Variants in CDH13 observed in about 807,000 individuals in gnomAD.
The protein encoded by CDH13 is cadherin 13.
In CDH13, 24 loss-of-function variants were observed where a neutral mutation model predicts 63.8. The ratio of observed to expected loss-of-function variants is 0.38; its 90% CI spans 0.27 to 0.53. The LOEUF is 0.53. Ranked by LOEUF, CDH13 falls within the 20% of genes least tolerant of loss-of-function variation. The probability of loss-of-function intolerance (pLI) is 0.85; values close to 1 mark genes in which losing one functional copy is unlikely to be tolerated. For missense variants in CDH13, 1,049 were observed against 903.1 expected (o/e 1.16, Z -2.07); for synonymous variants, 503 against 355.3 (o/e 1.42, Z -4.67).
At chr16:83,270,942 T>C (rs755470794) in intron 5 of CDH13, among the ~76,000 whole-genome samples, 1 of 139,150 alleles carries the variant, frequency 7.2e-6, no homozygotes, top group Non-Finnish European at 1.6e-5. Context: ...CTCTTTCCCT[T>C]CCTCCCTCCC....
At chr16:82,787,841 A>AGTGTGCGTGTGTGTGTGTGTGT (rs1555516773) in intron 1 of CDH13, among the ~76,000 whole-genome samples, 30 of 146,648 alleles carry the variant, frequency 2.0e-4, no homozygotes, top group Non-Finnish European at 3.0e-4. Context: ...GAAGGGAGGA[A>AGTGTGCGTGTGTGTGTGTGTGT]GTGTGTGTGT....
rs1234451658 is a variant in CDH13 at position 83,036,931 on chromosome 16, AT to A, written c.366+4714del. ...CAGAGGAAGCTGGAACAGAAAGGGA[AT>A]GCTAAATAAAAGCATGGGAACATGT... On this transcript the variant is annotated intron_variant, in intron 3 of 13. Coordinates refer to ENST00000567109, the MANE Select transcript of CDH13 (RefSeq NM_001257.5). 2.8e-4 allele frequency among the ~76,000 whole-genome samples: 42 copies of A among 152,274 alleles called. 2 individuals carry two copies. The highest frequency in any genetic ancestry group is 9.4e-4 in the African/African-American group (39 of 41,558).
intron 10 of CDH13, among the ~76,000 whole-genome samples, chr16:83,679,299 C>A (rs146794220): frequency 6.6e-6 from 1 of 152,186 alleles, no homozygotes; most frequent in African/African-American, 2.4e-5. Flanking sequence ...TCCAAATGCA[C>A]GCCTGTCTCT....
intron 5 of CDH13, among the ~76,000 whole-genome samples, chr16:83,252,262 CT>C (rs1208130248): frequency 3.3e-3 from 121 of 37,200 alleles, no homozygotes; most frequent in African/African-American, 7.5e-3. Flanking sequence ...TTTGCTACAT[CT>C]TTTTTTTCTT....
chr16:83,420,239 A>T (rs896995934), intron 6 of CDH13, among the ~76,000 whole-genome samples: 2 of 152,210 alleles, frequency 1.3e-5, no homozygotes, highest in African/African-American at 4.8e-5. Context: ...TGTAGAGGTA[A>T]TTAAAAATAT....
intron 4 of CDH13, among the ~76,000 whole-genome samples, chr16:83,200,782 C>A (rs1351828221): frequency 1.3e-5 from 2 of 152,204 alleles, no homozygotes; most frequent in Non-Finnish European, 2.9e-5. Context: ...TCTTGTTGAG[C>A]TTCCCTTAGG....
At chr16:83,233,177 A>G (rs183635636) in intron 5 of CDH13, among the ~76,000 whole-genome samples, 3 of 152,320 alleles carry the variant, frequency 2.0e-5, no homozygotes, top group Non-Finnish European at 4.4e-5. Flanking sequence ...AATATACGAG[A>G]CAAAATTGCT....
intron 1 of CDH13, among the ~76,000 whole-genome samples, chr16:82,662,103 C>G (rs1341505793): frequency 6.6e-6 from 1 of 152,140 alleles, no homozygotes; most frequent in African/African-American, 2.4e-5. Context: ...GGTAGTATGT[C>G]CATAGAATGG....
chr16:82,870,226 C>A (rs1226413944), intron 2 of CDH13, among the ~76,000 whole-genome samples: 1 of 152,114 alleles, frequency 6.6e-6, no homozygotes, highest in Non-Finnish European at 1.5e-5. Context: ...TCCAACCTCA[C>A]TAATCATCAG....
At chr16:83,310,867 C>T (rs1222394344) in intron 5 of CDH13, among the ~76,000 whole-genome samples, 1 of 152,220 alleles carries the variant, frequency 6.6e-6, no homozygotes, top group African/African-American at 2.4e-5. Context: ...CTAACAAACC[C>T]AACTGAGCCA....
chr16:82,660,102 G>T (rs1002234758), intron 1 of CDH13, among the ~76,000 whole-genome samples: 5 of 152,160 alleles, frequency 3.3e-5, no homozygotes, highest in African/African-American at 1.2e-4. Flanking sequence ...AAGTAATACT[G>T]CATTTATTCT....
chr16:82,790,071 G>A (rs1315517298), intron 1 of CDH13, among the ~76,000 whole-genome samples: 1 of 152,154 alleles, frequency 6.6e-6, no homozygotes, highest in Non-Finnish European at 1.5e-5. Context: ...GTGCTGATCA[G>A]TGGAGCTTAG....
chr16:82,997,481 A>G (rs981626454), intron 2 of CDH13, among the ~76,000 whole-genome samples: 2 of 152,220 alleles, frequency 1.3e-5, no homozygotes, highest in African/African-American at 4.8e-5. Context: ...AAATTAGTGC[A>G]AAAATCCATG....
intron 11 of CDH13, among the ~76,000 whole-genome samples, chr16:83,767,188 A>T (rs1288559074): frequency 6.6e-6 from 1 of 151,708 alleles, no homozygotes; most frequent in East Asian, 2.0e-4. Flanking sequence ...TAACATGTAT[A>T]TCTAGTCCTT....
At chr16:82,885,637 A>G (rs976788051) in intron 2 of CDH13, among the ~76,000 whole-genome samples, 1 of 151,986 alleles carries the variant, frequency 6.6e-6, no homozygotes, top group Admixed American at 6.6e-5. Context: ...ATATTCTTTA[A>G]TCTATCCATC....
chr16:83,046,786 G>C (rs1216284978), intron 3 of CDH13, among the ~76,000 whole-genome samples: 1 of 152,106 alleles, frequency 6.6e-6, no homozygotes, highest in Non-Finnish European at 1.5e-5. Context: ...TGAGATTGTT[G>C]CTCTGACCCT....
At chr16:83,062,005 A>G (rs1023024828) in intron 3 of CDH13, among the ~76,000 whole-genome samples, 1 of 152,196 alleles carries the variant, frequency 6.6e-6, no homozygotes, top group Admixed American at 6.5e-5. Context: ...TTTATGGAGA[A>G]TGGGAAAAGG....
intron 6 of CDH13, among the ~76,000 whole-genome samples, chr16:83,400,761 A>T (rs1329476622): frequency 6.6e-6 from 1 of 152,140 alleles, no homozygotes; most frequent in Non-Finnish European, 1.5e-5. Context: ...CCATCAACCC[A>T]CACTCTTTCC....
intron 7 of CDH13, among the ~76,000 whole-genome samples, chr16:83,545,647 C>A (rs901152405): frequency 6.6e-6 from 1 of 152,136 alleles, no homozygotes; most frequent in Non-Finnish European, 1.5e-5. Context: ...ATCCATTAGC[C>A]ATCTACCAGA....
Sources: gnomAD v4.1 joint callset for allele counts (sites outside exome capture counted in the v4.1 genomes callset) on GRCh38, gnomAD v4.1.1 for gene constraint, MANE v1.5 for transcripts, NCBI Gene and HGNC (gene_info 2026-07-23, HGNC 2026-07-21) for gene names.